The following QTMAN variants were observed in gnomAD, a reference collection of about 807,000 sequenced individuals.
QTMAN encodes queuosine-tRNA mannosyltransferase, also known as tRNA-queuosine alpha-mannosyltransferase.
the QTMAN span, among the ~76,000 whole-genome samples, chr2:144,197,699 A>T: frequency 2.6e-5 from 4 of 152,104 alleles, no homozygotes; most frequent in Admixed American, 1.3e-4. Flanking sequence ...TTTCATCCAT[A>T]TTGCTAGTTC....
the QTMAN span, among the ~76,000 whole-genome samples, chr2:144,320,813 T>C: frequency 6.6e-6 from 1 of 152,182 alleles, no homozygotes; most frequent in Non-Finnish European, 1.5e-5. Context: ...TGGATTTGTT[T>C]TGGGCACCTT....
the QTMAN span, among the ~76,000 whole-genome samples, chr2:144,153,515 T>C: frequency 7.9e-5 from 12 of 151,950 alleles, no homozygotes; most frequent in Admixed American, 7.9e-4. Flanking sequence ...CGAGACCATC[T>C]TGGCTAACAC....
the QTMAN span, among the ~76,000 whole-genome samples, chr2:144,030,530 T>C: frequency 3.9e-5 from 6 of 152,192 alleles, no homozygotes; most frequent in African/African-American, 1.2e-4. Context: ...ATATTTTTGT[T>C]TGTGTTCCTG....
At chr2:144,274,070 G>A in the QTMAN span, among the ~76,000 whole-genome samples, 1 of 152,076 alleles carries the variant, frequency 6.6e-6, no homozygotes, top group Non-Finnish European at 1.5e-5. Context: ...GGAGGCAGAG[G>A]TTGCAGTAGG....
the QTMAN span, among the ~76,000 whole-genome samples, chr2:144,070,306 T>A: frequency 6.6e-6 from 1 of 152,138 alleles, no homozygotes; most frequent in Non-Finnish European, 1.5e-5. Context: ...CAACAAACCA[T>A]TAAGTTCATC....
At chr2:144,072,494 G>C in the QTMAN span, among the ~76,000 whole-genome samples, 465 of 152,294 alleles carry the variant, frequency 3.1e-3, 1 homozygote, top group African/African-American at 0.011. Flanking sequence ...AAGACTCAGA[G>C]AGTTTTAGTA....
chr2:144,079,967 C>T, the QTMAN span, among the ~76,000 whole-genome samples: 2 of 152,000 alleles, frequency 1.3e-5, no homozygotes, highest in Non-Finnish European at 2.9e-5. Context: ...GACTTAAAGT[C>T]ATGCTTCAAT....
the QTMAN span, among the ~76,000 whole-genome samples, chr2:144,233,572 C>T: frequency 6.6e-6 from 1 of 152,158 alleles, no homozygotes; most frequent in African/African-American, 2.4e-5. Context: ...CTACACAAAA[C>T]ATTTTGGCTG....
chr2:144,182,791 ATATATATTATATATATAATATATATAT>A, the QTMAN span, among the ~76,000 whole-genome samples: 2 of 25,806 alleles, frequency 7.8e-5, no homozygotes, highest in Non-Finnish European at 1.8e-4. Flanking sequence ...TACATTATAT[ATATATATTATATATATAATATATATAT>A]TATATATATA....
chr2:144,096,902 A>G, the QTMAN span, among the ~76,000 whole-genome samples: 4 of 152,358 alleles, frequency 2.6e-5, no homozygotes, highest in South Asian at 8.3e-4. Flanking sequence ...GTCAGCCAAA[A>G]TGAAGTGATG....
At chr2:144,069,783 G>A in the QTMAN span, among the ~76,000 whole-genome samples, 1 of 151,860 alleles carries the variant, frequency 6.6e-6, no homozygotes. Context: ...CAGCAACACA[G>A]CATTAATCAT....
At chr2:144,219,130 A>C in the QTMAN span, among the ~76,000 whole-genome samples, 2 of 151,576 alleles carry the variant, frequency 1.3e-5, no homozygotes, top group East Asian at 3.9e-4. Flanking sequence ...CCTTTTTTTT[A>C]ATTCTTCTTC....
chr2:144,091,933 G>T, the QTMAN span, among the ~76,000 whole-genome samples: 1 of 152,070 alleles, frequency 6.6e-6, no homozygotes, highest in Non-Finnish European at 1.5e-5. Flanking sequence ...ATAAAAAGAA[G>T]TGCATACTAT....
At chr2:144,002,370 T>C in the QTMAN span, among the ~76,000 whole-genome samples, 2 of 151,906 alleles carry the variant, frequency 1.3e-5, no homozygotes, top group Non-Finnish European at 2.9e-5. Flanking sequence ...AAAGAACAAC[T>C]GACAGATAAA....
At chr2:144,231,700 C>A in the QTMAN span, among the ~76,000 whole-genome samples, 1 of 152,016 alleles carries the variant, frequency 6.6e-6, no homozygotes, top group African/African-American at 2.4e-5. Flanking sequence ...TGTCCTAAAT[C>A]ACTAAAAGAT....
the QTMAN span, among the ~76,000 whole-genome samples, chr2:144,273,590 G>A: frequency 6.6e-6 from 1 of 152,132 alleles, no homozygotes; most frequent in African/African-American, 2.4e-5. Context: ...GTACTCTAAG[G>A]ACTGGTCTTA....
At chr2:144,330,695 AGATACCAT>A in the QTMAN span, among the ~76,000 whole-genome samples, 1 of 152,200 alleles carries the variant, frequency 6.6e-6, no homozygotes, top group East Asian at 1.9e-4. Flanking sequence ...TGGCTTTTTA[AGATACCAT>A]AATCAAACAA....
chr2:144,150,168 T>G, the QTMAN span, among the ~76,000 whole-genome samples: 1 of 152,040 alleles, frequency 6.6e-6, no homozygotes, highest in Non-Finnish European at 1.5e-5. Context: ...GTGTTACCAC[T>G]CATACACAAT....
chr2:144,007,630 A>T, the QTMAN span: 1 of 705,272 alleles, frequency 1.4e-6, no homozygotes, highest in East Asian at 3.0e-5. Flanking sequence ...ATTATATATA[A>T]AACTGAGAAA....
Sources: gnomAD v4.1 joint callset for allele counts (sites outside exome capture counted in the v4.1 genomes callset) on GRCh38, gnomAD v4.1.1 for gene constraint, MANE v1.5 for transcripts, NCBI Gene and HGNC (gene_info 2026-07-23, HGNC 2026-07-21) for gene names.